The following PAX5 variants were observed in gnomAD, a reference collection of about 807,000 sequenced individuals.
The protein encoded by PAX5 is paired box protein Pax-5.
A neutral mutation model predicts 43.7 loss-of-function variants in PAX5; 9 were observed. The observed-to-expected ratio is 0.21, with a 90% CI of 0.12 to 0.36. The LOEUF (loss-of-function observed/expected upper bound fraction) is 0.36. PAX5 is among the 10% of genes least tolerant of loss of function. The pLI is 1.00. For synonymous variants in PAX5, 228 were observed against 214.3 expected (o/e 1.06, Z -0.56); for missense variants, 383 against 532.7 (o/e 0.72, Z 2.77).
At chr9:36,964,638 G>T (rs530811353) in intron 6 of PAX5, among the ~76,000 whole-genome samples, 1 of 152,112 alleles carries the variant, frequency 6.6e-6, no homozygotes, top group African/African-American at 2.4e-5. Flanking sequence ...CCACATTCTG[G>T]AGGGAAGGAC....
intron 8 of PAX5, among the ~76,000 whole-genome samples, chr9:36,880,043 A>G (rs1025882246): frequency 3.3e-5 from 5 of 152,252 alleles, no homozygotes; most frequent in African/African-American, 7.2e-5. Flanking sequence ...AAAGTCATCA[A>G]TCAAGCTAGC....
At chr9:36,975,386 C>CTTT (rs371922622) in intron 5 of PAX5, among the ~76,000 whole-genome samples, 2 of 146,894 alleles carry the variant, frequency 1.4e-5, no homozygotes, top group Admixed American at 6.8e-5. Context: ...TGAGCAATTT[C>CTTT]TTTTTTTTTT....
chr9:36,889,071 G>A (rs928320389), intron 7 of PAX5, among the ~76,000 whole-genome samples: 27 of 152,180 alleles, frequency 1.8e-4, no homozygotes, highest in African/African-American at 5.3e-4. Flanking sequence ...ATTAAAACAT[G>A]TCTGCAAATT....
At chr9:37,021,373 C>T (rs1324310587) in intron 1 of PAX5, among the ~76,000 whole-genome samples, 1 of 152,182 alleles carries the variant, frequency 6.6e-6, no homozygotes, top group South Asian at 2.1e-4. Context: ...ACAACCATTG[C>T]CTTGTTTAAA....
intron 6 of PAX5, chr9:36,930,774 C>T: frequency 4.3e-6 from 5 of 1,172,724 alleles, no homozygotes; most frequent in African/African-American, 1.6e-5. Flanking sequence ...GAGAGGGACA[C>T]CACTTTGGAA....
At chr9:36,957,883 A>G (rs1389567475) in intron 6 of PAX5, among the ~76,000 whole-genome samples, 1 of 152,134 alleles carries the variant, frequency 6.6e-6, no homozygotes, top group Non-Finnish European at 1.5e-5. Flanking sequence ...AGTTGAGCTG[A>G]TGCAGTTGAT....
chr9:36,846,186 G>C (rs1315526380), intron 9 of PAX5, among the ~76,000 whole-genome samples: 7 of 152,358 alleles, frequency 4.6e-5, no homozygotes, highest in Admixed American at 6.5e-5. Flanking sequence ...AGCTGAGTTA[G>C]ACTTGCATGG....
chr9:36,909,163 C>T (rs1476321433), intron 7 of PAX5, among the ~76,000 whole-genome samples: 1 of 152,090 alleles, frequency 6.6e-6, no homozygotes, highest in East Asian at 1.9e-4. Context: ...GTCTATTTAC[C>T]AGTGAAAAAG....
Position 36,882,250 on chromosome 9 carries a change from GCT to G in PAX5, c.911-147_911-146del, listed in dbSNP as rs1035218882. On this transcript the variant is annotated intron_variant, in intron 7 of 9. Coordinates refer to ENST00000358127, the MANE Select transcript of PAX5 (RefSeq NM_016734.3). The surrounding 1 kb of genome is among the most constrained non-coding windows in gnomAD (Gnocchi z 4.4). ...CCCAGCTCCCCCCTGTCGCTCACAC[GCT>G]CTCACAAACACACATACACACACAC... is the stretch of plus-strand genomic sequence containing the variant. 5 of 594,584 alleles carry G rather than the reference GCT, an allele frequency of 8.4e-6. No homozygotes were observed. In the African/African-American group the frequency reaches 9.9e-5, roughly 12 times the overall value. The allele number at this position is 594,584 out of a possible 1,614,324, so 36.8% of individuals were successfully genotyped here.
At chr9:36,974,731 T>G (rs538382643) in intron 5 of PAX5, among the ~76,000 whole-genome samples, 1 of 152,322 alleles carries the variant, frequency 6.6e-6, no homozygotes, top group Admixed American at 6.5e-5. Flanking sequence ...ACACGGCACC[T>G]GGCAGAGAGT....
At chr9:36,996,933 G>A (rs899070236) in intron 5 of PAX5, among the ~76,000 whole-genome samples, 11 of 152,120 alleles carry the variant, frequency 7.2e-5, no homozygotes, top group African/African-American at 2.2e-4. Flanking sequence ...GAGTATGTAC[G>A]AAAAAGAAAG....
intron 7 of PAX5, among the ~76,000 whole-genome samples, chr9:36,917,175 G>T (rs1026334966): frequency 6.6e-5 from 10 of 152,038 alleles, no homozygotes; most frequent in African/African-American, 2.2e-4. Context: ...TTTGGTCAAG[G>T]GTTTACTTTA....
At position 36,838,176 on chromosome 9, in the gene PAX5, G is replaced by A. The variant is rs968103737; in HGVS notation, c.*2384C>T. 7.3e-5 allele frequency: 17 copies of A among 233,148 alleles called. No homozygotes were observed. Among genetic ancestry groups the A allele is most frequent in the Non-Finnish European group, 1.4e-4 (16 of 118,124 alleles). 14.4% of individuals were successfully genotyped at this position (233,148 alleles called of 1,614,324 possible). The stretch of plus-strand genomic sequence containing the variant: ...CCCAACTACCTCCCTTCTTTGCCCC[G>A]CAGGTTCTGGGTGGGGGCGGGGGTG... On this transcript the variant is annotated 3_prime_UTR_variant, in exon 10 of 10. Transcript: ENST00000358127.
chr9:36,872,703 G>T (rs117029939), intron 8 of PAX5, among the ~76,000 whole-genome samples: 2 of 152,272 alleles, frequency 1.3e-5, no homozygotes, highest in East Asian at 3.9e-4. Flanking sequence ...TCACTTCCGT[G>T]CAGGGTTCCT....
chr9:36,863,070 A>G (rs56749754), intron 8 of PAX5, among the ~76,000 whole-genome samples: 1,536 of 152,268 alleles, frequency 0.01, 26 homozygotes, highest in African/African-American at 0.035. Context: ...AAGAGAAGGA[A>G]GGAACAAGGT....
rs1821442877 is a variant in PAX5 at position 36,833,780 on chromosome 9, T to C, written c.*6780A>G. Reference sequence around the variant, plus strand: ...ATACACATTTTTTAAGAAGCATTTTTTTTTTTCAATCCGTTGGAGACAGAT... The same window carrying C: ...ATACACATTTTTTAAGAAGCATTTTCTTTTTTCAATCCGTTGGAGACAGAT... On this transcript the variant is annotated 3_prime_UTR_variant, in exon 10 of 10. Transcript: ENST00000358127. 8.6e-6 allele frequency: 2 copies of C among 232,964 alleles called. No homozygotes were observed. The highest frequency in any genetic ancestry group is 1.7e-5 in the Non-Finnish European group (2 of 118,026). 14.4% of individuals were successfully genotyped at this position (232,964 alleles called of 1,614,324 possible). A position where few individuals can be genotyped will look rare whatever the true frequency, so the allele number is the denominator to read the frequency against.
intron 5 of PAX5, among the ~76,000 whole-genome samples, chr9:36,993,984 G>C (rs1422633240): frequency 6.6e-6 from 1 of 152,202 alleles, no homozygotes. Flanking sequence ...CACAAACAGA[G>C]AGGGTGGGGG....
intron 6 of PAX5, among the ~76,000 whole-genome samples, chr9:36,940,490 A>G (rs1052195766): frequency 6.6e-6 from 1 of 152,172 alleles, no homozygotes; most frequent in South Asian, 2.1e-4. Context: ...CGTGTGGCGC[A>G]GTGAGGCGCG....
At chr9:36,924,787 GA>G (rs898996473) in intron 6 of PAX5, among the ~76,000 whole-genome samples, 2 of 129,404 alleles carry the variant, frequency 1.5e-5, no homozygotes, top group African/African-American at 6.0e-5. Context: ...AAGGAAAAGA[GA>G]AAGGGAGGGA....
Sources: allele counts gnomAD v4.1 joint callset (sites outside exome capture counted in the v4.1 genomes callset), GRCh38; gene constraint gnomAD v4.1.1; non-coding constraint Gnocchi (gnomAD v3.1); transcripts MANE v1.5; gene names NCBI Gene and HGNC (gene_info 2026-07-23, HGNC 2026-07-21).